CDH18: variants seen among roughly 807,000 people sequenced by gnomAD.
CDH18 encodes cadherin-18.
CDH18 carries 31 observed loss-of-function variants against 67.9 expected under a neutral mutation model. The observed-to-expected ratio is 0.46, with a 90% confidence interval of 0.34 to 0.62. The LOEUF (loss-of-function observed/expected upper bound fraction) is 0.62, where lower values mean the gene tolerates loss of function less well. CDH18 is among the 20% of genes least tolerant of loss of function. The pLI is 0.01. For synonymous variants in CDH18, 362 were observed against 347.2 expected (o/e 1.04, Z -0.48); for missense variants, 890 against 975.5 (o/e 0.91, Z 1.17).
intron 5 of CDH18, among the ~76,000 whole-genome samples, chr5:19,655,318 T>C (rs1756198705): frequency 6.6e-6 from 1 of 152,096 alleles, no homozygotes; most frequent in Non-Finnish European, 1.5e-5. Context: ...TTTGAAATCA[T>C]CTTTTAATAT....
intron 2 of CDH18, among the ~76,000 whole-genome samples, chr5:20,116,301 G>A (rs1747906328): frequency 6.6e-6 from 1 of 152,014 alleles, no homozygotes; most frequent in African/African-American, 2.4e-5. Context: ...CCTGAGGTCA[G>A]GAGTTTGAGA....
rs184549770 is a variant in CDH18, at chr5:19,927,059, T to G, written c.-257+54001A>C. ...CTGTTGGCCTTGACAGTGTCGAGAA[T>G]TTTTACATTAAGTACTTCTTGTTTT... On this transcript the variant is annotated intron_variant, in intron 2 of 12. Coordinates refer to ENST00000382275, the MANE Select transcript of CDH18 (RefSeq NM_004934.5). Among the ~76,000 whole-genome samples, 4 of 152,204 alleles carry G rather than the reference T, an allele frequency of 2.6e-5. No individual in the cohort carries two copies. The East Asian group carries it at 7.7e-4, about 29-fold the overall frequency.
chr5:20,152,609 G>A lies in CDH18; in HGVS notation c.-518+102835C>T, dbSNP rs187588718. 4.0e-5 allele frequency among the ~76,000 whole-genome samples: 6 copies of A among 151,876 alleles called. No individual in the cohort carries two copies. In the East Asian group the frequency reaches 7.7e-4, roughly 20 times the overall value. ...GATAAGAAGTTATCTCCTCACAGAG[G>A]GCTAATTCTGAGTCTCTGACAAAAA... On this transcript the variant is annotated intron_variant, in intron 2 of 14. Transcript: ENST00000507958.
chr5:20,005,035 A>G (rs1373588101), intron 2 of CDH18, among the ~76,000 whole-genome samples: 1 of 152,226 alleles, frequency 6.6e-6, no homozygotes, highest in Admixed American at 6.5e-5. Flanking sequence ...TTGAGGGAAG[A>G]CACAAGTCTT....
At chr5:20,555,688 G>A (rs1012587377) in intron 1 of CDH18, among the ~76,000 whole-genome samples, 1 of 150,938 alleles carries the variant, frequency 6.6e-6, no homozygotes, top group African/African-American at 2.4e-5. Context: ...CACTCAGATT[G>A]TGGACTGATT....
At chr5:19,991,024 G>A (rs77636123), upstream of CDH18, among the ~76,000 whole-genome samples, 12,559 of 152,162 alleles carry the variant, frequency 0.083, 543 homozygotes, top group East Asian at 0.14. Context: ...AATCATTTTA[G>A]CTGGAGACAG....
chr5:19,960,591 A>ATATATATATATACACACGTGTG (rs1796718209), intron 2 of CDH18, among the ~76,000 whole-genome samples: 2 of 73,878 alleles, frequency 2.7e-5, no homozygotes, highest in Non-Finnish European at 5.7e-5. Flanking sequence ...GTGTGTGTGT[A>ATATATATATATACACACGTGTG]TATATATATA....
upstream of CDH18, among the ~76,000 whole-genome samples, chr5:19,989,804 A>G (rs1357710799): frequency 6.6e-6 from 1 of 152,176 alleles, no homozygotes; most frequent in Non-Finnish European, 1.5e-5. Flanking sequence ...TAAACAAACC[A>G]ACAGGAGCAA....
chr5:20,351,259 T>C (rs925306901), intron 1 of CDH18, among the ~76,000 whole-genome samples: 13 of 148,504 alleles, frequency 8.8e-5, no homozygotes, highest in South Asian at 8.3e-4. Flanking sequence ...TTGTTTTTTT[T>C]TTTTGTTCAC....
intron 2 of CDH18, among the ~76,000 whole-genome samples, chr5:19,905,957 C>G (rs933614578): frequency 3.3e-5 from 5 of 151,966 alleles, no homozygotes; most frequent in Non-Finnish European, 5.9e-5. Flanking sequence ...TCTTTTCTTT[C>G]TAGATATCCT....
At chr5:20,432,787 T>C (rs1175670268) in intron 1 of CDH18, among the ~76,000 whole-genome samples, 1 of 151,860 alleles carries the variant, frequency 6.6e-6, no homozygotes, top group African/African-American at 2.4e-5. Flanking sequence ...AAAGGCCTAA[T>C]ACAGTTGCAT....
chr5:20,397,427 C>T (rs1745380816), intron 1 of CDH18, among the ~76,000 whole-genome samples: 1 of 152,030 alleles, frequency 6.6e-6, no homozygotes, highest in African/African-American at 2.4e-5. Flanking sequence ...ACACCGTGCC[C>T]GGCCAGGATT....
intron 2 of CDH18, among the ~76,000 whole-genome samples, chr5:20,037,817 T>C (rs2150465451): frequency 6.6e-6 from 1 of 151,884 alleles, no homozygotes; most frequent in Non-Finnish European, 1.5e-5. Flanking sequence ...AGCAAACACA[T>C]TCAAAAGCTA....
chr5:20,405,344 C>A (rs1374505184), intron 1 of CDH18, among the ~76,000 whole-genome samples: 3 of 152,110 alleles, frequency 2.0e-5, no homozygotes, highest in Non-Finnish European at 4.4e-5. Flanking sequence ...GGAGAGGATT[C>A]CCTATTTAAT....
At chr5:19,783,584 T>C (rs1413596163) in intron 3 of CDH18, among the ~76,000 whole-genome samples, 1 of 152,102 alleles carries the variant, frequency 6.6e-6, no homozygotes, top group Non-Finnish European at 1.5e-5. Context: ...AAGCCAAACA[T>C]TCCTTCTCCC....
At chr5:20,549,895 T>TA (rs1757540613) in intron 1 of CDH18, among the ~76,000 whole-genome samples, 2 of 152,162 alleles carry the variant, frequency 1.3e-5, no homozygotes, top group Admixed American at 6.5e-5. Flanking sequence ...AAGTAGTTTA[T>TA]AAAAAATTGT....
intron 2 of CDH18, among the ~76,000 whole-genome samples, chr5:20,007,898 T>C (rs927851526): frequency 1.3e-5 from 2 of 152,108 alleles, no homozygotes; most frequent in African/African-American, 2.4e-5. Flanking sequence ...CACTTGATTA[T>C]AGTCTGCGGC....
At chr5:19,595,308 G>A (rs919364146) in intron 6 of CDH18, among the ~76,000 whole-genome samples, 18 of 152,102 alleles carry the variant, frequency 1.2e-4, no homozygotes, top group Non-Finnish European at 7.4e-5. Flanking sequence ...CTTATACACC[G>A]TAAACTAGAA....
intron 1 of CDH18, among the ~76,000 whole-genome samples, chr5:20,418,308 T>C (rs967636362): frequency 6.9e-6 from 1 of 145,128 alleles, no homozygotes; most frequent in South Asian, 2.3e-4. Context: ...TTGGACAAGC[T>C]GGTCTCCAAC....
Sources: allele counts gnomAD v4.1 joint callset (sites outside exome capture counted in the v4.1 genomes callset), GRCh38; gene constraint gnomAD v4.1.1; transcripts MANE v1.5; gene names NCBI Gene and HGNC (gene_info 2026-07-23, HGNC 2026-07-21).